ERC2: variants seen among roughly 807,000 people sequenced by gnomAD.
The protein encoded by ERC2 is ERC protein 2.
ERC2 carries 42 observed loss-of-function variants against 114.8 expected under a neutral mutation model. That is an observed-to-expected ratio of 0.37 (90% CI 0.29 to 0.47). The LOEUF (loss-of-function observed/expected upper bound fraction) is 0.47, where lower values mean the gene tolerates loss of function less well. Among genes scored for constraint, ERC2 ranks in the 20% least tolerant of loss-of-function variants. ERC2 has a pLI of 0.99. For missense variants in ERC2, 939 were observed against 1,150.7 expected (o/e 0.82, Z 2.66); for synonymous variants, 454 against 425.5 (o/e 1.07, Z -0.82).
At chr3:55,842,789 A>C (rs2061191511) in intron 14 of ERC2, among the ~76,000 whole-genome samples, 1 of 151,984 alleles carries the variant, frequency 6.6e-6, no homozygotes, top group Non-Finnish European at 1.5e-5. Context: ...CTGTCCTCCT[A>C]TTTCTTGGTT....
At chr3:56,348,297 A>G (rs898145191) in intron 2 of ERC2, among the ~76,000 whole-genome samples, 4 of 152,008 alleles carry the variant, frequency 2.6e-5, no homozygotes, top group Admixed American at 2.6e-4. Context: ...ACCAGGAAAA[A>G]AACTCTGGGC....
At chr3:55,798,100 C>T (rs2070664537) in intron 14 of ERC2, among the ~76,000 whole-genome samples, 1 of 152,052 alleles carries the variant, frequency 6.6e-6, no homozygotes, top group Non-Finnish European at 1.5e-5. Context: ...AAGTCTAGCA[C>T]ATTCATAATT....
At chr3:55,861,945 C>T (rs2062046560) in intron 14 of ERC2, among the ~76,000 whole-genome samples, 1 of 152,200 alleles carries the variant, frequency 6.6e-6, no homozygotes, top group Admixed American at 6.5e-5. Context: ...GCCGAATATG[C>T]CCATAGGCCA....
chr3:56,094,840 T>C (rs958635571), intron 6 of ERC2, among the ~76,000 whole-genome samples: 5 of 152,204 alleles, frequency 3.3e-5, no homozygotes, highest in African/African-American at 9.7e-5. Context: ...CCATTGATAA[T>C]GACTGAAAAC....
chr3:55,876,118 A>G (rs1276989113), intron 14 of ERC2, among the ~76,000 whole-genome samples: 2 of 152,240 alleles, frequency 1.3e-5, no homozygotes, highest in Admixed American at 1.3e-4. Context: ...GAACATTCAA[A>G]GCCCACCTCC....
intron 13 of ERC2, among the ~76,000 whole-genome samples, chr3:55,934,026 C>T (rs1328260501): frequency 6.6e-6 from 1 of 151,954 alleles, no homozygotes; most frequent in Non-Finnish European, 1.5e-5. Flanking sequence ...TTAAGGAGGC[C>T]ATGATGTTTC....
At chr3:56,358,623 A>G (rs1262950913) in intron 2 of ERC2, among the ~76,000 whole-genome samples, 3 of 152,250 alleles carry the variant, frequency 2.0e-5, no homozygotes, top group African/African-American at 4.8e-5. Flanking sequence ...CAACAGATAC[A>G]CACTCAGGCT....
At chr3:56,216,818 G>A (rs2049511564) in intron 3 of ERC2, among the ~76,000 whole-genome samples, 1 of 152,168 alleles carries the variant, frequency 6.6e-6, no homozygotes, top group African/African-American at 2.4e-5. Flanking sequence ...TCATCCCTGG[G>A]ATGCAAGGCT....
chr3:56,083,996 G>C (rs2077375246), intron 6 of ERC2, among the ~76,000 whole-genome samples: 1 of 151,060 alleles, frequency 6.6e-6, no homozygotes, highest in African/African-American at 2.4e-5. Context: ...CTATAGGCAA[G>C]TAAAATTTGA....
At position 56,184,638 on chromosome 3, in the gene ERC2, G is replaced by A. The variant is rs148654721; in HGVS notation, c.1075-11118C>T. On this transcript the variant is annotated intron_variant, in intron 3 of 17. Transcript: ENST00000288221. ...GTGGTAAGACCTGAGTACAAGCACG[G>A]TCAGTCTGAGGTCTAAACTCGCTCT... 2.5e-3 allele frequency among the ~76,000 whole-genome samples: 388 copies of A among 152,258 alleles called. 2 individuals are homozygous for A. The highest frequency in any genetic ancestry group is 9.0e-3 in the African/African-American group (375 of 41,540).
At chr3:55,874,411 G>A (rs2149289740) in intron 14 of ERC2, among the ~76,000 whole-genome samples, 1 of 152,260 alleles carries the variant, frequency 6.6e-6, no homozygotes, top group African/African-American at 2.4e-5. Flanking sequence ...CATTCATGTT[G>A]AAGGGTCATT....
At chr3:56,292,332 C>T (rs2055141292) in intron 3 of ERC2, among the ~76,000 whole-genome samples, 1 of 151,646 alleles carries the variant, frequency 6.6e-6, no homozygotes, top group African/African-American at 2.4e-5. Context: ...ACCTGTAATC[C>T]CAGCACTTTG....
At chr3:56,308,153 C>T (rs1049124943) in intron 2 of ERC2, among the ~76,000 whole-genome samples, 6 of 152,154 alleles carry the variant, frequency 3.9e-5, no homozygotes, top group African/African-American at 1.4e-4. Context: ...ACACTATGTC[C>T]ACTTCACAAG....
At chr3:56,127,000 C>CA (rs1283781642) in intron 6 of ERC2, among the ~76,000 whole-genome samples, 1 of 151,808 alleles carries the variant, frequency 6.6e-6, no homozygotes, top group Non-Finnish European at 1.5e-5. Flanking sequence ...AATCAATATA[C>CA]AAAAATCAGT....
At chr3:56,186,146 A>G (rs2083598034) in intron 3 of ERC2, among the ~76,000 whole-genome samples, 1 of 140,914 alleles carries the variant, frequency 7.1e-6, no homozygotes. Context: ...AAAAAAAAAG[A>G]GCACAGCCCT....
At chr3:56,183,420 T>A (rs990956810) in intron 3 of ERC2, among the ~76,000 whole-genome samples, 1 of 152,228 alleles carries the variant, frequency 6.6e-6, no homozygotes, top group African/African-American at 2.4e-5. Flanking sequence ...CACAGCTATT[T>A]CATCGCGTAG....
intron 17 of ERC2, among the ~76,000 whole-genome samples, chr3:55,665,064 A>G (rs1450034586): frequency 1.3e-5 from 2 of 152,170 alleles, no homozygotes; most frequent in East Asian, 3.9e-4. Flanking sequence ...TCTGCAGAAT[A>G]ATTTTGGGAA....
chr3:56,464,457 C>T (rs761793574), intron 1 of ERC2, among the ~76,000 whole-genome samples: 12 of 152,194 alleles, frequency 7.9e-5, no homozygotes, highest in East Asian at 1.9e-4. Flanking sequence ...AGCCAAATCA[C>T]GGTCAACCTG....
Position 55,952,251 on chromosome 3 carries a change from C to G in ERC2, c.2268-1691G>C, listed in dbSNP as rs570432934. 2.0e-5 allele frequency among the ~76,000 whole-genome samples: 3 copies of G among 148,446 alleles called. No individual in the cohort carries two copies. In the East Asian group the frequency reaches 5.9e-4, roughly 29 times the overall value. The stretch of plus-strand genomic sequence containing the variant: ...CTTTGTCTTCTTATGAATATTTACA[C>G]TAACTGAAGCCATGATTTAAATATT... On this transcript the variant is annotated intron_variant, in intron 12 of 17. Coordinates refer to ENST00000288221, the MANE Select transcript of ERC2 (RefSeq NM_015576.3).
Sources: gnomAD v4.1 joint callset for allele counts (sites outside exome capture counted in the v4.1 genomes callset) on GRCh38, gnomAD v4.1.1 for gene constraint, MANE v1.5 for transcripts, NCBI Gene and HGNC (gene_info 2026-07-23, HGNC 2026-07-21) for gene names.